The following THSD7A variants were observed in gnomAD, a reference collection of about 807,000 sequenced individuals.
THSD7A encodes the protein thrombospondin type-1 domain-containing protein 7A.
Under a neutral mutation model 231.3 loss-of-function variants are expected in THSD7A, and 96 were observed. That is an observed-to-expected ratio of 0.41 (90% CI 0.35 to 0.49). THSD7A has a LOEUF of 0.49. Among genes scored for constraint, THSD7A ranks in the 20% least tolerant of loss-of-function variants. The pLI is 0.05. For missense variants in THSD7A, 2,290 were observed against 2,070.2 expected (o/e 1.11, Z -2.06); for synonymous variants, 940 against 743.3 (o/e 1.26, Z -4.30).
intron 1 of THSD7A, among the ~76,000 whole-genome samples, chr7:11,757,706 G>T (rs1201001104): frequency 6.6e-6 from 1 of 151,836 alleles, no homozygotes; most frequent in Admixed American, 6.6e-5. Flanking sequence ...TGATTCTCCA[G>T]AATGTTATAT....
At chr7:11,675,299 A>G (rs1053662900) in intron 1 of THSD7A, among the ~76,000 whole-genome samples, 1 of 152,140 alleles carries the variant, frequency 6.6e-6, no homozygotes, top group Non-Finnish European at 1.5e-5. Flanking sequence ...TTGGATGCCT[A>G]TACCACAAGG....
intron 23 of THSD7A, among the ~76,000 whole-genome samples, chr7:11,400,076 C>A (rs1288886175): frequency 6.6e-6 from 1 of 150,708 alleles, no homozygotes; most frequent in South Asian, 2.1e-4. Flanking sequence ...AAACCAAACA[C>A]CGCATGTTCT....
Position 11,460,729 on chromosome 7 carries a change from G to C in THSD7A, c.2538C>G (p.Val846=), listed in dbSNP as rs1264386179. ...KTHKWRRCQL[V]PWSVQQDSPG... is the part of the protein sequence containing the mutation. ...GGCTGTCTTGTTGCACGCTCCAAGG[G>C]ACTAATTGGCATCTGCGCCATTTGT... is the stretch of plus-strand genomic sequence containing the variant. Residue 846 remains valine, a synonymous_variant, in exon 11 of 28, where the codon GTC becomes GTG. Transcript: ENST00000423059. The C allele has an allele frequency of 6.2e-7, 1 of 1,612,572 alleles. No homozygotes were observed. The highest frequency in any genetic ancestry group is 1.3e-5 in the African/African-American group (1 of 74,886).
intron 1 of THSD7A, among the ~76,000 whole-genome samples, chr7:11,816,778 T>C (rs1784716313): frequency 6.6e-6 from 1 of 152,172 alleles, no homozygotes; most frequent in South Asian, 2.1e-4. Flanking sequence ...GTCACTACTA[T>C]AAATACCACA....
chr7:11,536,027 C>A (rs1349297172), intron 6 of THSD7A, among the ~76,000 whole-genome samples: 1 of 152,170 alleles, frequency 6.6e-6, no homozygotes, highest in Non-Finnish European at 1.5e-5. Flanking sequence ...ATGTGCTCTT[C>A]CATTTTAAGT....
chr7:11,439,836 T>C (rs1001665661), intron 13 of THSD7A, among the ~76,000 whole-genome samples: 2 of 152,088 alleles, frequency 1.3e-5, no homozygotes, highest in East Asian at 1.9e-4. Flanking sequence ...AGTGCTGATA[T>C]AGAAGCTGCA....
At position 11,406,896 on chromosome 7, in the gene THSD7A, T is replaced by G; in HGVS notation, c.4062+14A>C. On this transcript the variant is annotated intron_variant, in intron 21 of 27. Coordinates refer to ENST00000423059, the MANE Select transcript of THSD7A (RefSeq NM_015204.3). The surrounding 1 kb of genome is among the most constrained non-coding windows in gnomAD (Gnocchi z 4.7). ...AGAGTACACACTTCCTGACAACTTC[T>G]TGAGATTTGATACCTGCACTTGGCA... 1 of 1,613,610 alleles carries G rather than the reference T, an allele frequency of 6.2e-7. No individual in the cohort carries two copies. The highest frequency in any genetic ancestry group is 1.1e-5 in the South Asian group (1 of 90,994).
intron 1 of THSD7A, among the ~76,000 whole-genome samples, chr7:11,720,282 C>A (rs1247565550): frequency 6.6e-6 from 1 of 151,766 alleles, no homozygotes; most frequent in African/African-American, 2.4e-5. Context: ...CATCTCACAA[C>A]ACAAAAAGTA....
At chr7:11,827,747 C>T (rs1785073957) in intron 1 of THSD7A, among the ~76,000 whole-genome samples, 2 of 152,318 alleles carry the variant, frequency 1.3e-5, no homozygotes, top group South Asian at 4.1e-4. Context: ...CACCCATTCA[C>T]TAATTTTCCC....
rs553390748 is a variant in THSD7A, at chr7:11,448,029, T to A, written c.2606-605A>T. ...AGTTTATTAGGAAGGGTTGGAATCATTAATGGATAAGCAATGTCAAAGTCC... is the reference window on the plus strand; with the variant it reads ...AGTTTATTAGGAAGGGTTGGAATCAATAATGGATAAGCAATGTCAAAGTCC... On this transcript the variant is annotated intron_variant, in intron 11 of 27. Transcript: ENST00000423059. Among the ~76,000 whole-genome samples, 4 of 152,220 alleles carry A rather than the reference T, an allele frequency of 2.6e-5. No individual in the cohort carries two copies. In the East Asian group the frequency reaches 7.8e-4, roughly 29 times the overall value.
intron 23 of THSD7A, among the ~76,000 whole-genome samples, chr7:11,401,124 A>G (rs1029168425): frequency 1.3e-5 from 2 of 152,120 alleles, no homozygotes; most frequent in Non-Finnish European, 2.9e-5. Flanking sequence ...ATATAGTAAA[A>G]TCTCACACTT....
At chr7:11,594,490 C>T (rs756387829) in intron 2 of THSD7A, among the ~76,000 whole-genome samples, 2 of 152,010 alleles carry the variant, frequency 1.3e-5, no homozygotes, top group Non-Finnish European at 2.9e-5. Flanking sequence ...CACTCATAGT[C>T]CTTGGTGTGA....
chr7:11,570,719 A>G (rs1291485265), intron 4 of THSD7A, among the ~76,000 whole-genome samples: 2 of 152,232 alleles, frequency 1.3e-5, no homozygotes, highest in African/African-American at 4.8e-5. Flanking sequence ...ATTGGACACA[A>G]AGAACCATTG....
chr7:11,601,512 G>A (rs1427790782), intron 2 of THSD7A, among the ~76,000 whole-genome samples: 1 of 152,118 alleles, frequency 6.6e-6, no homozygotes, highest in Non-Finnish European at 1.5e-5. Flanking sequence ...TATGACTGTA[G>A]GATCACTTCA....
intron 25 of THSD7A, 30 bp from the exon 26 acceptor site, chr7:11,379,310 C>T: frequency 1.2e-6 from 2 of 1,603,382 alleles, no homozygotes; most frequent in Non-Finnish European, 1.7e-6. Flanking sequence ...TTTATACTAG[C>T]CATGCAAGGA....
chr7:11,496,921 A>G (rs1419906433), intron 6 of THSD7A, among the ~76,000 whole-genome samples: 1 of 152,220 alleles, frequency 6.6e-6, no homozygotes, highest in Non-Finnish European at 1.5e-5. Flanking sequence ...AGCAGACAAT[A>G]TAGATGTCAT....
chr7:11,555,122 C>A (rs928904930), intron 4 of THSD7A, among the ~76,000 whole-genome samples: 1 of 151,380 alleles, frequency 6.6e-6, no homozygotes. Context: ...TTATTTACTT[C>A]TTTCCTTCTT....
chr7:11,672,003 G>T (rs993444167), intron 1 of THSD7A, among the ~76,000 whole-genome samples: 2 of 151,946 alleles, frequency 1.3e-5, no homozygotes, highest in East Asian at 1.9e-4. Flanking sequence ...ATAAAACATT[G>T]TTAACTATTA....
intron 6 of THSD7A, among the ~76,000 whole-genome samples, chr7:11,488,292 G>T (rs1345831112): frequency 2.0e-5 from 3 of 151,880 alleles, no homozygotes; most frequent in Non-Finnish European, 4.4e-5. Context: ...TTTATTTATT[G>T]ATAACCAATA....
Sources: allele counts gnomAD v4.1 joint callset (sites outside exome capture counted in the v4.1 genomes callset), GRCh38; gene constraint gnomAD v4.1.1; non-coding constraint Gnocchi (gnomAD v3.1); transcripts MANE v1.5; gene names NCBI Gene and HGNC (gene_info 2026-07-23, HGNC 2026-07-21).